UGGT1: variants seen among roughly 807,000 people sequenced by gnomAD.
UGGT1 encodes UDP-glucose glycoprotein glucosyltransferase 1, also known as UDP-glucose:glycoprotein glucosyltransferase 1.
In UGGT1, 107 loss-of-function variants were observed where a neutral mutation model predicts 203.9. That is an observed-to-expected ratio of 0.52 (90% CI 0.45 to 0.62). The LOEUF (loss-of-function observed/expected upper bound fraction) is 0.62. UGGT1 is among the 20% of genes least tolerant of loss of function. UGGT1 has a pLI of 0.00. For missense variants in UGGT1, 1,673 were observed against 1,867.2 expected (o/e 0.90, Z 1.92); for synonymous variants, 628 against 653.5 (o/e 0.96, Z 0.59).
intron 13 of UGGT1, among the ~76,000 whole-genome samples, chr2:128,130,734 T>G (rs937807897): frequency 6.6e-6 from 1 of 152,174 alleles, no homozygotes; most frequent in Non-Finnish European, 1.5e-5. Flanking sequence ...CTCAAGTTGG[T>G]GTGCATTCCC....
At chr2:128,169,648 G>T (rs1200292006) in intron 26 of UGGT1, among the ~76,000 whole-genome samples, 1 of 152,216 alleles carries the variant, frequency 6.6e-6, no homozygotes, top group African/African-American at 2.4e-5. Flanking sequence ...CAGCAGTAAA[G>T]AAAAGCTGGA....
intron 5 of UGGT1, among the ~76,000 whole-genome samples, chr2:128,112,476 C>T (rs866355869): frequency 0.02 from 779 of 38,182 alleles, 18 homozygotes; most frequent in Non-Finnish European, 0.023. Flanking sequence ...ATATATATTA[C>T]ATACATACAT....
intron 13 of UGGT1, 72 bp from the exon 14 acceptor site, chr2:128,133,069 T>C (rs1242758998): frequency 6.5e-7 from 1 of 1,546,534 alleles, no homozygotes; most frequent in Admixed American, 1.8e-5. Context: ...TTTTAAAGTC[T>C]TATTGATATT....
chr2:128,161,233 A>G lies in UGGT1; in HGVS notation c.2790A>G (p.Lys930=). The part of the protein sequence containing the change: ...IILKTSGQKI[K]SHIQQLRVEE... ...TAAAAACCTCAGGACAGAAAATAAA[A>G]TCTCATATTCAACAGCTTCGGGTAG... Residue 930 remains lysine, a synonymous_variant, in exon 25 of 41, where the codon AAA becomes AAG. Coordinates refer to ENST00000259253, the MANE Select transcript of UGGT1 (RefSeq NM_020120.4). 1 of 1,613,966 alleles carries G rather than the reference A, an allele frequency of 6.2e-7. No individual in the cohort carries two copies.
chr2:128,145,728 A>G (rs934489795), intron 17 of UGGT1, 75 bp from the exon 18 acceptor site: 28 of 1,326,346 alleles, frequency 2.1e-5, no homozygotes, highest in Non-Finnish European at 2.5e-5. Flanking sequence ...ACAGGCATGT[A>G]AGAAAAATAT....
At chr2:128,134,743 A>G in intron 14 of UGGT1, 133 bp from the exon 15 acceptor site, 1 of 703,096 alleles carries the variant, frequency 1.4e-6, no homozygotes. Context: ...TATGTGTGTA[A>G]TTCATCTTTT....
rs1191672513 is a variant in UGGT1, at chr2:128,091,257, G to C, written c.-101G>C. On this transcript the variant is annotated 5_prime_UTR_variant, in exon 1 of 41. Transcript: ENST00000259253. ...GAGTCGAGCCGCGGGAAAGGCGCGT[G>C]TCGGCCTCTCACTGGCGCAGCCTGC... 7.9e-7 allele frequency: 1 copy of C among 1,267,494 alleles called. No homozygotes were observed. Among genetic ancestry groups the C allele is most frequent in the Non-Finnish European group, 1.1e-6 (1 of 948,536 alleles). The allele number at this position is 1,267,494 out of a possible 1,614,324, so 78.5% of individuals were successfully genotyped here. A position where few individuals can be genotyped will look rare whatever the true frequency, so the allele number is the denominator to read the frequency against.
chr2:128,183,330 C>G (rs776047400), intron 37 of UGGT1, among the ~76,000 whole-genome samples: 5 of 152,180 alleles, frequency 3.3e-5, no homozygotes, highest in Non-Finnish European at 7.3e-5. Context: ...GTTTTCCCCC[C>G]CCTGTAACAT....
intron 3 of UGGT1, among the ~76,000 whole-genome samples, chr2:128,105,044 A>C (rs1304089916): frequency 1.3e-5 from 2 of 150,540 alleles, no homozygotes; most frequent in African/African-American, 4.9e-5. Flanking sequence ...AAATTATTTA[A>C]TTATTATTTT....
At chr2:128,139,669 G>A in intron 16 of UGGT1, 1 of 153,418 alleles carries the variant, frequency 6.5e-6, no homozygotes, top group South Asian at 2.0e-4. Flanking sequence ...CAGGCATCCT[G>A]GAGGCTCCCA....
chr2:128,142,905 C>G (rs928043010), intron 16 of UGGT1, among the ~76,000 whole-genome samples, 189 bp from the exon 17 acceptor site: 1 of 149,654 alleles, frequency 6.7e-6, no homozygotes, highest in African/African-American at 2.5e-5. Flanking sequence ...CACACGAATC[C>G]GGAAGGCGGA....
intron 6 of UGGT1, among the ~76,000 whole-genome samples, chr2:128,114,393 C>T (rs1406776818): frequency 6.6e-6 from 1 of 152,182 alleles, no homozygotes; most frequent in Non-Finnish European, 1.5e-5. Context: ...GCTGGGATTA[C>T]AGGCGTGAGT....
chr2:128,143,093 G>T lies in UGGT1; in HGVS notation c.1720-1G>T. On this transcript the variant is annotated splice_acceptor_variant, in intron 16 of 40. Coordinates refer to ENST00000259253, the MANE Select transcript of UGGT1 (RefSeq NM_020120.4). LOFTEE classifies it high-confidence loss of function. Reference sequence around the variant, plus strand: ...TAACCAACTGTTTTTTCTTTCTTCAGATCTATAACAAGGTGAGGACTGGAG... The same window carrying T: ...TAACCAACTGTTTTTTCTTTCTTCATATCTATAACAAGGTGAGGACTGGAG... 1.3e-6 allele frequency: 2 copies of T among 1,592,096 alleles called. No homozygotes were observed. The highest frequency in any genetic ancestry group is 3.5e-5 in the Admixed American group (2 of 56,586).
At chr2:128,114,951 T>C (rs539825217) in intron 6 of UGGT1, among the ~76,000 whole-genome samples, 173 bp from the exon 7 acceptor site, 2 of 152,340 alleles carry the variant, frequency 1.3e-5, no homozygotes, top group South Asian at 4.1e-4. Context: ...AAAATTTGTT[T>C]AGTGAACTTT....
At position 128,191,147 on chromosome 2, in the gene UGGT1, A is replaced by G. The variant is rs988944947; in HGVS notation, c.*1405A>G. The G allele has an allele frequency of 1.3e-5, 2 of 152,148 alleles. No homozygotes were observed. The highest frequency in any genetic ancestry group is 4.8e-5 in the African/African-American group (2 of 41,428). 9.4% of individuals were successfully genotyped at this position (152,148 alleles called of 1,614,324 possible). ...AACGTGCACCAGCCTTTTCTTACAT[A>G]TTTTGCCTGTTTTTAAAAAATACGA... On this transcript the variant is annotated 3_prime_UTR_variant, in exon 41 of 41. Coordinates refer to ENST00000259253, the MANE Select transcript of UGGT1 (RefSeq NM_020120.4).
In UGGT1 at chr2:128,134,933, A is replaced by T. The variant is rs747260005; in HGVS notation, c.1555A>T (p.Met519Leu). 7.4e-6 allele frequency: 12 copies of T among 1,613,932 alleles called. No homozygotes were observed. The South Asian group carries it at 1.2e-4, about 16-fold the overall frequency. ...AGCAGAGTTGATGAACACAGCTGAG[A>T]TGTTCCTTAGTAATCATATACCACT... is the stretch of plus-strand genomic sequence containing the variant. ...TTAELMNTAE[M>L]FLSNHIPLRI... Residue 519 changes from methionine to leucine, a missense_variant, in exon 15 of 41, where the codon ATG becomes TTG. By Grantham distance (15) the Met-to-Leu change is conservative. This residue lies in a region of UGGT1 where 1,073 missense variants were observed against 1,078.7 expected (regional missense o/e 0.99). Coordinates refer to ENST00000259253, the MANE Select transcript of UGGT1 (RefSeq NM_020120.4).
intron 10 of UGGT1, among the ~76,000 whole-genome samples, chr2:128,121,773 C>T (rs1268448875): frequency 6.6e-6 from 1 of 152,192 alleles, no homozygotes; most frequent in Admixed American, 6.5e-5. Flanking sequence ...TTGAAGATGG[C>T]AAGACCATGC....
chr2:128,186,335 A>G (rs1691980830), intron 38 of UGGT1, among the ~76,000 whole-genome samples: 1 of 152,220 alleles, frequency 6.6e-6, no homozygotes, highest in South Asian at 2.1e-4. Context: ...GGCTGGGTGC[A>G]GTGGCTCATG....
chr2:128,113,397 G>A, intron 6 of UGGT1, 139 bp downstream of exon 6: 1 of 693,816 alleles, frequency 1.4e-6, no homozygotes, highest in Non-Finnish European at 2.2e-6. Context: ...TAGTTTCATT[G>A]AGTCTATTAT....
Sources: allele counts gnomAD v4.1 joint callset (sites outside exome capture counted in the v4.1 genomes callset), GRCh38; gene constraint gnomAD v4.1.1; regional missense constraint gnomAD v4.1.1; transcripts MANE v1.5; gene names NCBI Gene and HGNC (gene_info 2026-07-23, HGNC 2026-07-21).